The following DYNC1I2 variants were observed in gnomAD, a reference collection of about 807,000 sequenced individuals.
DYNC1I2 encodes the protein cytoplasmic dynein 1 intermediate chain 2.
Under a neutral mutation model 88.6 loss-of-function variants are expected in DYNC1I2, and 53 were observed. That is an observed-to-expected ratio of 0.60 (90% CI 0.48 to 0.75). The LOEUF is 0.75. Ranked by LOEUF, DYNC1I2 falls within the 30% of genes least tolerant of loss-of-function variation. The pLI is 0.00. For synonymous variants in DYNC1I2, 198 were observed against 254.6 expected (o/e 0.78, Z 2.12); for missense variants, 458 against 766.6 (o/e 0.60, Z 4.75).
At chr2:171,741,428 C>G (rs1328833785) in intron 15 of DYNC1I2, among the ~76,000 whole-genome samples, 1 of 152,174 alleles carries the variant, frequency 6.6e-6, no homozygotes, top group Non-Finnish European at 1.5e-5. Context: ...TGTATCTTCA[C>G]CAACATTTGT....
At chr2:171,690,989 G>T (rs1181336630) in intron 2 of DYNC1I2, among the ~76,000 whole-genome samples, 2 of 152,070 alleles carry the variant, frequency 1.3e-5, no homozygotes, top group Non-Finnish European at 2.9e-5. Context: ...CATAAATATG[G>T]TGTATATATA....
chr2:171,733,433 C>G (rs368252555), intron 15 of DYNC1I2, among the ~76,000 whole-genome samples: 1 of 115,158 alleles, frequency 8.7e-6, no homozygotes, highest in African/African-American at 3.1e-5. Context: ...AAAAACGTTC[C>G]TTTTTCTCCA....
At chr2:171,728,500 A>G (rs2105699688) in intron 13 of DYNC1I2, 82 bp downstream of exon 13, 1 of 927,532 alleles carries the variant, frequency 1.1e-6, no homozygotes. Flanking sequence ...TGTTTCTCAT[A>G]AACTGTTTTA....
rs1213057761 is a variant in DYNC1I2, at chr2:171,749,496, TC to T, written c.*1608del. ...CTTCAATTTTAGTAGAGTCACACTT[TC>T]TTTATATAGAAAAATTCATGTACTC... On this transcript the variant is annotated 3_prime_UTR_variant, in exon 18 of 18. Transcript: ENST00000397119. Among the ~76,000 whole-genome samples, 15 of 152,128 alleles carry T rather than the reference TC, an allele frequency of 9.9e-5. No individual in the cohort carries two copies. The highest frequency in any genetic ancestry group is 3.6e-4 in the African/African-American group (15 of 41,452).
At position 171,726,637 on chromosome 2, in the gene DYNC1I2, G is replaced by A. The variant is rs936969724; in HGVS notation, c.871-154G>A. On this transcript the variant is annotated intron_variant, in intron 10 of 17. Transcript: ENST00000397119. ...TGTTCTAATTTAAAATTGTACTAATGTCCCAGTAGGCATAATGCTAGAGAT... is the reference window on the plus strand; with the variant it reads ...TGTTCTAATTTAAAATTGTACTAATATCCCAGTAGGCATAATGCTAGAGAT... 9.8e-5 allele frequency: 72 copies of A among 737,916 alleles called. No individual in the cohort carries two copies. In the African/African-American group the frequency reaches 1.2e-3, roughly 12 times the overall value. The allele number at this position is 737,916 out of a possible 1,614,324, so 45.7% of individuals were successfully genotyped here.
chr2:171,718,551 A>G (rs1687678677), intron 7 of DYNC1I2, among the ~76,000 whole-genome samples: 1 of 151,902 alleles, frequency 6.6e-6, no homozygotes, highest in Non-Finnish European at 1.5e-5. Flanking sequence ...CTCCTGCCTC[A>G]GCCTCCCGAG....
At chr2:171,717,456 T>C (rs921448272) in intron 7 of DYNC1I2, among the ~76,000 whole-genome samples, 1 of 152,048 alleles carries the variant, frequency 6.6e-6, no homozygotes, top group Admixed American at 6.5e-5. Flanking sequence ...ATGTTCTGTA[T>C]GTTCATTTTT....
At chr2:171,707,006 A>C (rs1686730582) in intron 4 of DYNC1I2, 1 of 529,504 alleles carries the variant, frequency 1.9e-6, no homozygotes, top group African/African-American at 2.0e-5. Flanking sequence ...GATGGATGAG[A>C]TGAAGATGCA....
At chr2:171,728,243 C>A in intron 12 of DYNC1I2, 62 bp from the exon 13 acceptor site, 2 of 997,326 alleles carry the variant, frequency 2.0e-6, no homozygotes, top group South Asian at 2.0e-5. Flanking sequence ...TATAATTAGA[C>A]TAAAAATTTT....
Position 171,728,797 on chromosome 2 carries a change from C to T in DYNC1I2, c.1338C>T (p.Asn446=). The T allele has an allele frequency of 6.2e-7, 1 of 1,611,230 alleles. No individual in the cohort carries two copies. The highest frequency in any genetic ancestry group is 8.5e-7 in the Non-Finnish European group (1 of 1,178,688). The change falls in exon 14 of 18, where the codon AAC becomes AAT. Residue 446 remains asparagine (N), a synonymous_variant. Coordinates refer to ENST00000397119, the MANE Select transcript of DYNC1I2 (RefSeq NM_001378.3). ...SMSFPVGDVN[N]FVVGSEEGSV... ...CCTTCCCTGTTGGAGATGTCAACAACTTTGTTGTTGGGAGTGAAGAAGGTT... is the reference window on the plus strand; with the variant it reads ...CCTTCCCTGTTGGAGATGTCAACAATTTTGTTGTTGGGAGTGAAGAAGGTT...
chr2:171,688,449 T>G (rs1685138350), intron 1 of DYNC1I2: 1 of 152,186 alleles, frequency 6.6e-6, no homozygotes, highest in African/African-American at 2.4e-5. Context: ...TATCAATTAG[T>G]GTTGGTATAT....
chr2:171,725,853 T>C, intron 8 of DYNC1I2, 66 bp from the exon 9 acceptor site: 1 of 1,415,906 alleles, frequency 7.1e-7, no homozygotes, highest in Non-Finnish European at 9.6e-7. Flanking sequence ...TGATCCATAC[T>C]GTGATAGTGA....
chr2:171,727,007 A>G (rs1041526873), intron 11 of DYNC1I2, 91 bp downstream of exon 11: 21 of 1,359,162 alleles, frequency 1.5e-5, no homozygotes, highest in East Asian at 7.6e-5. Flanking sequence ...TGTCAACATA[A>G]TGATTTCATT....
At chr2:171,725,768 T>TTTG in intron 8 of DYNC1I2, 55 bp downstream of exon 8, 6 of 1,201,414 alleles carry the variant, frequency 5.0e-6, no homozygotes, top group Non-Finnish European at 6.5e-6. Flanking sequence ...TAAGATTCCT[T>TTTG]TTATTATGTA....
intron 3 of DYNC1I2, among the ~76,000 whole-genome samples, chr2:171,694,526 G>T (rs1221596404): frequency 6.6e-6 from 1 of 151,930 alleles, no homozygotes; most frequent in Non-Finnish European, 1.5e-5. Context: ...GCGTGGTGGC[G>T]CATGCCTGTA....
intron 3 of DYNC1I2, among the ~76,000 whole-genome samples, chr2:171,699,262 G>T (rs1378726679): frequency 6.6e-6 from 1 of 152,066 alleles, no homozygotes; most frequent in South Asian, 2.1e-4. Context: ...AGCCGAGATC[G>T]CGCCATTGCA....
intron 15 of DYNC1I2, among the ~76,000 whole-genome samples, chr2:171,737,897 T>C (rs1689126277): frequency 6.6e-6 from 1 of 152,158 alleles, no homozygotes; most frequent in Admixed American, 6.5e-5. Context: ...TACAGATTAT[T>C]CCATCACCCA....
intron 7 of DYNC1I2, among the ~76,000 whole-genome samples, chr2:171,722,694 G>GACATTGTCTATCAA (rs1559388430): frequency 2.6e-5 from 4 of 152,120 alleles, no homozygotes; most frequent in African/African-American, 7.2e-5. Flanking sequence ...TGTTATTGAT[G>GACATTGTCTATCAA]TTAGGCATTT....
At chr2:171,740,245 C>T (rs1689328979) in intron 15 of DYNC1I2, among the ~76,000 whole-genome samples, 1 of 152,176 alleles carries the variant, frequency 6.6e-6, no homozygotes, top group African/African-American at 2.4e-5. Flanking sequence ...TGGTTATCCA[C>T]CAGACCTTAC....
Sources: gnomAD v4.1 joint callset for allele counts (sites outside exome capture counted in the v4.1 genomes callset) on GRCh38, gnomAD v4.1.1 for gene constraint, MANE v1.5 for transcripts, NCBI Gene and HGNC (gene_info 2026-07-23, HGNC 2026-07-21) for gene names.